C1orf54: variants seen among roughly 807,000 people sequenced by gnomAD.
C1orf54 encodes the protein uncharacterized protein C1orf54.
Under a neutral mutation model 14.7 loss-of-function variants are expected in C1orf54, and 12 were observed. The observed-to-expected ratio is 0.82, with a 90% confidence interval of 0.52 to 1.32. C1orf54 has a LOEUF of 1.32. Among genes scored for constraint, C1orf54 ranks in the 40% most tolerant of loss-of-function variants. The pLI, the probability that C1orf54 is intolerant of heterozygous loss-of-function variation, is 0.00. For synonymous variants in C1orf54, 65 were observed against 56.3 expected (o/e 1.16, Z -0.70); for missense variants, 163 against 162.2 (o/e 1.00, Z -0.03).
chr1:150,269,103 C>A (rs924193754), upstream of C1orf54: 4 of 342,772 alleles, frequency 1.2e-5, no homozygotes, highest in Non-Finnish European at 2.3e-5. Context: ...GCGGGCGGAG[C>A]TGCTCGACCT....
upstream of C1orf54, chr1:150,272,717 G>A (rs1033009744): frequency 1.6e-5 from 20 of 1,225,158 alleles, no homozygotes; most frequent in Non-Finnish European, 2.2e-5. Context: ...AGTTGCTGCA[G>A]CTCCTTCCCT....
At chr1:150,280,918 C>T (rs1553853322), downstream of C1orf54, 4 of 1,540,596 alleles carry the variant, frequency 2.6e-6, no homozygotes, top group East Asian at 9.8e-5. Context: ...GTGAAATAAT[C>T]TGGTTACCAT....
Position 150,275,727 on chromosome 1 carries a change from T to C in C1orf54, c.131-14T>C. ...TTTTCTTTAATTATTACTGATTTTC[T>C]TTCTCCTCTGCAGATGACTTTAGTG... On this transcript the variant is annotated splice_polypyrimidine_tract_variant and intron_variant, in intron 2 of 5. Coordinates refer to ENST00000369099, the MANE Select transcript of C1orf54 (RefSeq NM_024579.4). 1 of 1,599,280 alleles carries C rather than the reference T, an allele frequency of 6.3e-7. No homozygotes were observed. The highest frequency in any genetic ancestry group is 8.6e-7 in the Non-Finnish European group (1 of 1,168,194).
chr1:150,276,606 A>G lies in C1orf54; in HGVS notation c.274A>G (p.Thr92Ala). The change falls in exon 4 of 6, where the codon ACT becomes GCT. Residue 92 changes from threonine to alanine, a missense_variant. Physicochemically the swap from Thr to Ala is moderately conservative, Grantham distance 58. Coordinates refer to ENST00000369099, the MANE Select transcript of C1orf54 (RefSeq NM_024579.4). ...ACGTGCAGACCATCCGAAGCCTGTA[A>G]CTGTGAAACCAGTAACAACGGAACC... Reference protein sequence around the residue: ...TARADHPKPVTVKPVTTEPSP... With the variant: ...TARADHPKPVAVKPVTTEPSP... The G allele has an allele frequency of 2.5e-6, 4 of 1,614,126 alleles. No homozygotes were observed. Among genetic ancestry groups the G allele is most frequent in the Non-Finnish European group, 3.4e-6 (4 of 1,179,970 alleles).
At chr1:150,268,962 G>A, upstream of C1orf54, 1 of 631,764 alleles carries the variant, frequency 1.6e-6, no homozygotes, top group South Asian at 1.9e-5. Context: ...GGGAAGGGGG[G>A]GAACCGAAAC....
intron 2 of C1orf54, among the ~76,000 whole-genome samples, chr1:150,274,783 C>T (rs1652504304): frequency 6.7e-6 from 1 of 149,186 alleles, no homozygotes; most frequent in Non-Finnish European, 1.5e-5. Flanking sequence ...CATGGTGGCA[C>T]CTGCCTGTAG....
At chr1:150,275,044 A>AAT (rs1553852150) in intron 2 of C1orf54, among the ~76,000 whole-genome samples, 4 of 148,738 alleles carry the variant, frequency 2.7e-5, no homozygotes, top group Non-Finnish European at 3.0e-5. Flanking sequence ...AGAAAAAAAA[A>AAT]TTTTTTTTTT....
In C1orf54 at chr1:150,279,676, C is replaced by T. The variant is rs1553853105; in HGVS notation, c.334C>T (p.Arg112Ter). 4.3e-6 allele frequency: 7 copies of T among 1,612,540 alleles called. No individual in the cohort carries two copies. The highest frequency in any genetic ancestry group is 2.2e-5 in the East Asian group (1 of 44,754). Residue 112 changes from arginine to a stop codon, truncating the protein, a stop_gained, in exon 5 of 6, where the codon CGA becomes TGA. Transcript: ENST00000369099. LOFTEE classifies it high-confidence loss of function. ...TCTGAACGATGCCGTGTCCAGTTTG[C>T]GAAGTCCTATTCCCCTCCTCCTGTC... ...PDLNDAVSSL[R>*]SPIPLLLSCA...
At chr1:150,271,499 T>C (rs1652204532), upstream of C1orf54, among the ~76,000 whole-genome samples, 1 of 152,226 alleles carries the variant, frequency 6.6e-6, no homozygotes, top group Non-Finnish European at 1.5e-5. Flanking sequence ...CACAGACACT[T>C]GCATAGTGCC....
rs146852269 is a variant in C1orf54, at chr1:150,276,452, T to C, written c.190-70T>C. The C allele has an allele frequency of 1.9e-3, 2,488 of 1,289,604 alleles. 7 individuals carry two copies. Among genetic ancestry groups the C allele is most frequent in the Non-Finnish European group, 2.4e-3 (2,136 of 887,460 alleles). 79.9% of individuals were successfully genotyped at this position (1,289,604 alleles called of 1,614,324 possible). A position where few individuals can be genotyped will look rare whatever the true frequency, so the allele number is the denominator to read the frequency against. ...AGGTGGTGAAGGGGAGAACTTTAAGTAGAGAATCTATGAAGATGTTGGATG... is the reference window on the plus strand; with the variant it reads ...AGGTGGTGAAGGGGAGAACTTTAAGCAGAGAATCTATGAAGATGTTGGATG... On this transcript the variant is annotated intron_variant, in intron 3 of 5. Transcript: ENST00000369099.
chr1:150,275,035 G>GA (rs201443491), intron 2 of C1orf54, among the ~76,000 whole-genome samples: 88 of 47,824 alleles, frequency 1.8e-3, no homozygotes, highest in Middle Eastern at 0.01. Flanking sequence ...TGTCTCTATA[G>GA]AAAAAAAAAT....
Position 150,272,868 on chromosome 1 carries a change from G to A in C1orf54, c.46+5G>A. On this transcript the variant is annotated splice_donor_5th_base_variant and intron_variant, in intron 1 of 5. Transcript: ENST00000369099. ...TTGCTGTGCCACTTATCCTGGGTAA[G>A]TCCACTCCTCTCTCTGAGCTTTTGT... 1 of 1,614,150 alleles carries A rather than the reference G, an allele frequency of 6.2e-7. No homozygotes were observed. The highest frequency in any genetic ancestry group is 1.3e-5 in the African/African-American group (1 of 75,038).
chr1:150,279,212 C>T (rs1001581857), intron 4 of C1orf54, among the ~76,000 whole-genome samples: 2 of 152,006 alleles, frequency 1.3e-5, no homozygotes, highest in African/African-American at 2.4e-5. Flanking sequence ...GAGGTTACAG[C>T]GAGCTGAGAT....
At chr1:150,277,871 G>A (rs587611711) in intron 4 of C1orf54, among the ~76,000 whole-genome samples, 1 of 152,312 alleles carries the variant, frequency 6.6e-6, no homozygotes, top group South Asian at 2.1e-4. Flanking sequence ...GCTGAAGTGA[G>A]CTGATCACCT....
chr1:150,280,296 T>C (rs115212248), intron 5 of C1orf54, among the ~76,000 whole-genome samples: 106 of 152,348 alleles, frequency 7.0e-4, no homozygotes, highest in African/African-American at 2.5e-3. Flanking sequence ...TTAAAGAAGT[T>C]TAGGAGATGC....
chr1:150,277,340 T>C (rs1467049762), intron 4 of C1orf54, among the ~76,000 whole-genome samples: 1 of 151,510 alleles, frequency 6.6e-6, no homozygotes, highest in Non-Finnish European at 1.5e-5. Flanking sequence ...CCATCTCTAC[T>C]AAAAATACAA....
chr1:150,277,247 C>T (rs374288045), intron 4 of C1orf54, among the ~76,000 whole-genome samples: 12 of 152,050 alleles, frequency 7.9e-5, no homozygotes, highest in African/African-American at 2.7e-4. Flanking sequence ...CCTGTAATCC[C>T]AGCACTTTGG....
At chr1:150,280,082 G>T (rs1652971611) in intron 5 of C1orf54, among the ~76,000 whole-genome samples, 1 of 152,120 alleles carries the variant, frequency 6.6e-6, no homozygotes, top group Admixed American at 6.6e-5. Flanking sequence ...AAATTAGTTG[G>T]GTGTGGTAGC....
intron 5 of C1orf54, among the ~76,000 whole-genome samples, chr1:150,279,987 T>C (rs1485580494): frequency 6.6e-6 from 1 of 152,034 alleles, no homozygotes; most frequent in Non-Finnish European, 1.5e-5. Context: ...AAGTCCAGGC[T>C]GAGCAACAGA....
Sources: gnomAD v4.1 joint callset for allele counts (sites outside exome capture counted in the v4.1 genomes callset) on GRCh38, gnomAD v4.1.1 for gene constraint, MANE v1.5 for transcripts, NCBI Gene and HGNC (gene_info 2026-07-23, HGNC 2026-07-21) for gene names.